The following PKHD1 variants were observed in gnomAD, a reference collection of about 807,000 sequenced individuals.
PKHD1 encodes PKHD1 ciliary IPT domain containing fibrocystin/polyductin, also known as fibrocystin.
A neutral mutation model predicts 412.0 loss-of-function variants in PKHD1; 291 were observed. That is an observed-to-expected ratio of 0.71 (90% CI 0.64 to 0.78). The LOEUF (loss-of-function observed/expected upper bound fraction) is 0.78, where lower values mean the gene tolerates loss of function less well. Ranked by LOEUF, PKHD1 falls within the 30% of genes least tolerant of loss-of-function variation. PKHD1 has a pLI of 0.00. For missense variants in PKHD1, 4,825 were observed against 4,950.7 expected (o/e 0.97, Z 0.76); for synonymous variants, 1,777 against 1,821.5 (o/e 0.98, Z 0.62).
chr6:52,035,979 C>T (rs1245750612), intron 27 of PKHD1, among the ~76,000 whole-genome samples: 4 of 152,096 alleles, frequency 2.6e-5, no homozygotes, highest in African/African-American at 7.2e-5. Context: ...GGAACACAAT[C>T]GTGCCACAAG....
At chr6:51,984,076 TGA>T (rs1390327749) in intron 35 of PKHD1, among the ~76,000 whole-genome samples, 1 of 152,190 alleles carries the variant, frequency 6.6e-6, no homozygotes, top group Non-Finnish European at 1.5e-5. Flanking sequence ...CTCTGAGTTA[TGA>T]CAAAGGGGCA....
intron 36 of PKHD1, among the ~76,000 whole-genome samples, chr6:51,957,798 C>T (rs1791374163): frequency 6.6e-6 from 1 of 151,958 alleles, no homozygotes. Flanking sequence ...CTGCCCTTCA[C>T]CTCCTCTCCG....
In PKHD1 at chr6:51,859,481, G is replaced by A. The variant is rs181031428; in HGVS notation, c.7734-3411C>T. Among the ~76,000 whole-genome samples the A allele has an allele frequency of 8.5e-3, 1,170 of 138,276 alleles. 6 individuals are homozygous for A. The highest frequency in any genetic ancestry group is 0.021 in the Middle Eastern group (5 of 242). 90.7% of individuals were successfully genotyped at this position (138,276 alleles called of 152,430 possible). On this transcript the variant is annotated intron_variant, in intron 48 of 66. Transcript: ENST00000371117. Reference sequence around the variant, plus strand: ...GCAGAGCCTGTAGTGAGCAGAAATCGCGCCACTGCACTCCAGCCTGGGCAA... The same window carrying A: ...GCAGAGCCTGTAGTGAGCAGAAATCACGCCACTGCACTCCAGCCTGGGCAA...
At chr6:52,046,321 A>C in intron 23 of PKHD1, 133 bp from the exon 24 acceptor site, 1 of 788,380 alleles carries the variant, frequency 1.3e-6, no homozygotes. Context: ...GTCAAAGTAG[A>C]ACTTCAGTAG....
chr6:52,003,760 T>C lies in PKHD1; in HGVS notation c.5751+6549A>G, dbSNP rs117173795. Among the ~76,000 whole-genome samples the C allele has an allele frequency of 7.2e-4, 110 of 152,346 alleles. 2 individuals carry two copies. In the East Asian group the frequency reaches 0.016, roughly 22 times the overall value. ...ACTTCAACTGATTACCATAGCTTTATAGTAAGATTTAAAATCAGACTGTAA... is the reference window on the plus strand; with the variant it reads ...ACTTCAACTGATTACCATAGCTTTACAGTAAGATTTAAAATCAGACTGTAA... On this transcript the variant is annotated intron_variant, in intron 35 of 66. Coordinates refer to ENST00000371117, the MANE Select transcript of PKHD1 (RefSeq NM_138694.4).
At chr6:52,056,829 GCATAAAGACCACCCCCAGTTCTCC>G in intron 17 of PKHD1, 37 bp downstream of exon 17, 1 of 1,581,566 alleles carries the variant, frequency 6.3e-7, no homozygotes, top group Non-Finnish European at 8.7e-7. Flanking sequence ...TATATCATGA[GCATAAAGACCACCCCCAGTTCTCC>G]CACTCCCCTC....
intron 35 of PKHD1, among the ~76,000 whole-genome samples, chr6:51,980,308 T>C (rs1196770834): frequency 2.0e-5 from 3 of 152,192 alleles, no homozygotes; most frequent in Non-Finnish European, 4.4e-5. Flanking sequence ...CCTGCCACCA[T>C]GTCTGCCAGC....
At chr6:51,959,324 A>T (rs1033796304) in intron 36 of PKHD1, among the ~76,000 whole-genome samples, 3 of 152,120 alleles carry the variant, frequency 2.0e-5, no homozygotes, top group Admixed American at 6.6e-5. Flanking sequence ...TAACTGACTT[A>T]GCCATTTGAA....
intron 60 of PKHD1, among the ~76,000 whole-genome samples, chr6:51,668,479 T>A (rs1338789119): frequency 6.6e-6 from 1 of 152,228 alleles, no homozygotes; most frequent in Non-Finnish European, 1.5e-5. Context: ...TATACAATCA[T>A]GTCGTCTGCA....
chr6:51,630,696 T>A (rs988306848), intron 65 of PKHD1, among the ~76,000 whole-genome samples: 1 of 152,152 alleles, frequency 6.6e-6, no homozygotes, highest in Non-Finnish European at 1.5e-5. Flanking sequence ...TATGAGTAAG[T>A]TGTGGAACAA....
chr6:51,657,011 A>G (rs1406038320), intron 61 of PKHD1, among the ~76,000 whole-genome samples: 1 of 151,936 alleles, frequency 6.6e-6, no homozygotes, highest in African/African-American at 2.4e-5. Context: ...TGTGTCCAGT[A>G]TGGCCTGAAT....
At chr6:51,830,758 T>G in intron 52 of PKHD1, 103 bp downstream of exon 52, 1 of 1,168,556 alleles carries the variant, frequency 8.6e-7, no homozygotes, top group Admixed American at 1.7e-5. Context: ...AGTGCCTACT[T>G]ATTTCCAAAC....
In PKHD1 at chr6:52,010,396, A is replaced by G. The variant is rs1351464166; in HGVS notation, c.5664T>C (p.Thr1888=). Residue 1888 remains threonine, a synonymous_variant, in exon 35 of 67, where the codon ACT becomes ACC. Coordinates refer to ENST00000371117, the MANE Select transcript of PKHD1 (RefSeq NM_138694.4). Reference sequence around the variant, plus strand: ...GCGTCTCACACTCCATCTCTGCCTCAGTTTCCATGGTAATGTTACAGGAGC... The same window carrying G: ...GCGTCTCACACTCCATCTCTGCCTCGGTTTCCATGGTAATGTTACAGGAGC... ...YNSSCNITME[T]EAEMECETPN... 1.9e-6 allele frequency: 3 copies of G among 1,610,934 alleles called. No homozygotes were observed. Among genetic ancestry groups the G allele is most frequent in the Non-Finnish European group, 2.5e-6 (3 of 1,177,262 alleles).
Position 51,746,702 on chromosome 6 carries a change from T to C in PKHD1, c.9998+19A>G. 6.7e-7 allele frequency: 1 copy of C among 1,496,332 alleles called. No individual in the cohort carries two copies. The highest frequency in any genetic ancestry group is 9.3e-7 in the Non-Finnish European group (1 of 1,073,132). 92.7% of individuals were successfully genotyped at this position (1,496,332 alleles called of 1,614,324 possible). On this transcript the variant is annotated intron_variant, in intron 59 of 66. Coordinates refer to ENST00000371117, the MANE Select transcript of PKHD1 (RefSeq NM_138694.4). ...AGTACTTCATAAATATGGCTTATTATAAATACTAAAAATTATACCTGGGTT... is the reference window on the plus strand; with the variant it reads ...AGTACTTCATAAATATGGCTTATTACAAATACTAAAAATTATACCTGGGTT...
Position 52,017,620 on chromosome 6 carries a change from G to T in PKHD1, c.5390C>A (p.Ala1797Asp), listed in dbSNP as rs746260771. The T allele has an allele frequency of 8.1e-6, 13 of 1,612,946 alleles. No homozygotes were observed. The highest frequency in any genetic ancestry group is 1.1e-5 in the Non-Finnish European group (13 of 1,179,440). Residue 1797 changes from alanine to aspartate, a missense_variant, in exon 34 of 67, where the codon GCC becomes GAC. By Grantham distance (126) the Ala-to-Asp change is moderately radical. Coordinates refer to ENST00000371117, the MANE Select transcript of PKHD1 (RefSeq NM_138694.4). Reference sequence around the variant, plus strand: ...CTCACGCTTCAGGCCACACAGGAAGGCCAAGGACACTGCAGGAAACAGTCA... The same window carrying T: ...CTCACGCTTCAGGCCACACAGGAAGTCCAAGGACACTGCAGGAAACAGTCA... ...CLVLPLDVSL[A>D]FLCGLKREED...
chr6:51,906,375 G>C, intron 40 of PKHD1, 35 bp from the exon 41 acceptor site: 1 of 1,581,556 alleles, frequency 6.3e-7, no homozygotes, highest in Non-Finnish European at 8.7e-7. Flanking sequence ...AATTAGATAT[G>C]GCTCCTGAGA....
At chr6:51,850,460 T>C (rs969906560) in intron 49 of PKHD1, among the ~76,000 whole-genome samples, 6 of 152,242 alleles carry the variant, frequency 3.9e-5, no homozygotes, top group South Asian at 4.1e-4. Flanking sequence ...GGGAATAGCA[T>C]TGAATCTATA....
Position 51,896,702 on chromosome 6 carries a change from G to A in PKHD1, c.6996+6895C>T, listed in dbSNP as rs1264720126. On this transcript the variant is annotated intron_variant, in intron 43 of 66. Coordinates refer to ENST00000371117, the MANE Select transcript of PKHD1 (RefSeq NM_138694.4). ...GAGCTGAGAGAAGAAGGCTTCAGAC[G>A]ATCAAATTACTCCAAGCTACGGGAG... Among the ~76,000 whole-genome samples the A allele has an allele frequency of 7.9e-5, 12 of 152,142 alleles. No homozygotes were observed. The South Asian group carries it at 1.0e-3, about 13-fold the overall frequency.
At chr6:51,862,716 G>T (rs569603185) in intron 48 of PKHD1, among the ~76,000 whole-genome samples, 125 of 152,276 alleles carry the variant, frequency 8.2e-4, no homozygotes, top group Non-Finnish European at 1.5e-3. Context: ...AAGAATCAAG[G>T]TGATCAACAA....
Sources: gnomAD v4.1 joint callset for allele counts (sites outside exome capture counted in the v4.1 genomes callset) on GRCh38, gnomAD v4.1.1 for gene constraint, MANE v1.5 for transcripts, NCBI Gene and HGNC (gene_info 2026-07-23, HGNC 2026-07-21) for gene names.